Variants in ERI1 observed in about 807,000 individuals in gnomAD.
The protein encoded by ERI1 is 3'-5' exoribonuclease 1.
In ERI1, 39 loss-of-function variants were observed where a neutral mutation model predicts 39.7. That is an observed-to-expected ratio of 0.98 (90% CI 0.76 to 1.28). The LOEUF is 1.28. Ranked by LOEUF, ERI1 falls within the 50% of genes most tolerant of loss-of-function variation. The pLI, the probability that ERI1 is intolerant of heterozygous loss-of-function variation, is 0.00. For synonymous variants in ERI1, 204 were observed against 149.6 expected, an observed-to-expected ratio of 1.36 and a Z score of -2.65; for missense variants, 581 against 416.9, an observed-to-expected ratio of 1.39 and a Z score of -3.43.
In ERI1 at chr8:9,079,451, T is replaced by C. The variant is rs543184259; in HGVS notation, n.300-36897T>C. ...GGTTCCTGGTTTCTTGAAGCTATTT[T>C]AAATAATGCAAAAATGTTGGTTGTG... is the stretch of plus-strand genomic sequence containing the variant. On this transcript the variant is annotated intron_variant and non_coding_transcript_variant, in intron 3 of 3. Coordinates refer to the ERI1 transcript ENST00000518663. Among the ~76,000 whole-genome samples, 7 of 152,330 alleles carry C rather than the reference T, an allele frequency of 4.6e-5. No homozygotes were observed. In the South Asian group the frequency reaches 1.4e-3, roughly 32 times the overall value.
chr8:9,093,593 A>G (rs1310645754), intron 3 of ERI1, among the ~76,000 whole-genome samples: 1 of 152,006 alleles, frequency 6.6e-6, no homozygotes, highest in African/African-American at 2.4e-5. Flanking sequence ...TTTGAGACGG[A>G]ATCTCACTCT....
chr8:9,097,989 A>G (rs1381881325), intron 3 of ERI1, among the ~76,000 whole-genome samples: 1 of 152,236 alleles, frequency 6.6e-6, no homozygotes, highest in East Asian at 1.9e-4. Flanking sequence ...GTGGAATTGG[A>G]GACCATTATT....
chr8:9,042,938 G>T (rs891621607), intron 3 of ERI1, among the ~76,000 whole-genome samples: 1 of 152,178 alleles, frequency 6.6e-6, no homozygotes, highest in Non-Finnish European at 1.5e-5. Context: ...GCGCAGTGCC[G>T]TATGTCCCCC....
chr8:9,087,604 T>C (rs1005466317), intron 3 of ERI1, among the ~76,000 whole-genome samples: 2 of 152,186 alleles, frequency 1.3e-5, no homozygotes, highest in African/African-American at 4.8e-5. Flanking sequence ...AGTGATCATG[T>C]ATTCCTTGTG....
intron 3 of ERI1, among the ~76,000 whole-genome samples, chr8:9,071,451 G>A (rs1799048480): frequency 6.6e-6 from 1 of 152,194 alleles, no homozygotes. Context: ...AGTAATGCCA[G>A]CTCTATGTGA....
chr8:9,028,993 TTTTTAAC>T (rs1334038608), intron 6 of ERI1, among the ~76,000 whole-genome samples: 7 of 150,694 alleles, frequency 4.6e-5, no homozygotes, highest in Non-Finnish European at 4.4e-5. Context: ...TTTTTTTTTT[TTTTTAAC>T]TTATCAAGGA....
chr8:9,013,978 G>C (rs1816958622), intron 3 of ERI1, among the ~76,000 whole-genome samples: 1 of 152,136 alleles, frequency 6.6e-6, no homozygotes, highest in Non-Finnish European at 1.5e-5. Flanking sequence ...GTTTCTGTCT[G>C]TGTCCGCCTA....
At chr8:9,057,295 C>T (rs1798539867) in intron 3 of ERI1, among the ~76,000 whole-genome samples, 1 of 152,168 alleles carries the variant, frequency 6.6e-6, no homozygotes, top group Non-Finnish European at 1.5e-5. Flanking sequence ...CTGACGTGAG[C>T]CACTGTCCCT....
At chr8:9,036,524 G>T (rs945219339), downstream of ERI1, among the ~76,000 whole-genome samples, 2 of 152,168 alleles carry the variant, frequency 1.3e-5, no homozygotes. Context: ...ACACTTCATA[G>T]ACTATTGTTT....
chr8:9,016,980 G>A (rs1219456254), intron 4 of ERI1, among the ~76,000 whole-genome samples: 1 of 152,138 alleles, frequency 6.6e-6, no homozygotes, highest in Non-Finnish European at 1.5e-5. Context: ...ACCATGCCCA[G>A]CCAGAGATAA....
intron 1 of ERI1, among the ~76,000 whole-genome samples, chr8:9,005,164 A>G (rs1436283872): frequency 6.6e-6 from 1 of 152,206 alleles, no homozygotes; most frequent in Non-Finnish European, 1.5e-5. Context: ...ACGTCAATCA[A>G]GAAAAATTCT....
chr8:9,018,240 T>C, intron 4 of ERI1, 57 bp from the exon 5 acceptor site: 2 of 934,874 alleles, frequency 2.1e-6, no homozygotes, highest in Non-Finnish European at 3.4e-6. Context: ...GGGTATTTTG[T>C]AGGTCTACGT....
intron 3 of ERI1, among the ~76,000 whole-genome samples, chr8:9,098,905 C>A (rs777960756): frequency 1.3e-5 from 2 of 152,138 alleles, no homozygotes; most frequent in Non-Finnish European, 2.9e-5. Context: ...GCAAGCTCGG[C>A]TCACTGCAAC....
chr8:9,050,507 C>CAA (rs35279058), intron 3 of ERI1, among the ~76,000 whole-genome samples: 12 of 141,746 alleles, frequency 8.5e-5, no homozygotes, highest in African/African-American at 2.9e-4. Flanking sequence ...AACTCCATCT[C>CAA]AAAAAAAAAA....
downstream of ERI1, among the ~76,000 whole-genome samples, chr8:9,034,944 G>C (rs147133231): frequency 1.6e-4 from 25 of 152,318 alleles, no homozygotes; most frequent in East Asian, 4.6e-3. Flanking sequence ...TATGGAGAAA[G>C]TTTTAGTGGT....
intron 2 of ERI1, among the ~76,000 whole-genome samples, chr8:9,009,863 G>T (rs146654717): frequency 1.3e-5 from 2 of 152,192 alleles, no homozygotes; most frequent in African/African-American, 4.8e-5. Flanking sequence ...TTTGTCTGCA[G>T]TACACAGTAT....
chr8:9,051,596 G>T (rs945408061), intron 3 of ERI1, among the ~76,000 whole-genome samples: 3 of 151,810 alleles, frequency 2.0e-5, no homozygotes, highest in African/African-American at 7.3e-5. Flanking sequence ...GGCAGATGTT[G>T]CAGTGAGCCG....
intron 3 of ERI1, among the ~76,000 whole-genome samples, chr8:9,066,773 C>A (rs767389565): frequency 6.6e-6 from 1 of 151,740 alleles, no homozygotes; most frequent in Non-Finnish European, 1.5e-5. Context: ...ATGTGACAGG[C>A]GGGTGAGTTG....
At chr8:9,058,702 A>G (rs1423211202) in intron 3 of ERI1, among the ~76,000 whole-genome samples, 1 of 151,860 alleles carries the variant, frequency 6.6e-6, no homozygotes, top group Non-Finnish European at 1.5e-5. Flanking sequence ...ATCTTATACA[A>G]GATTTATGCA....
Sources: allele counts gnomAD v4.1 joint callset (sites outside exome capture counted in the v4.1 genomes callset), GRCh38; gene constraint gnomAD v4.1.1; transcripts MANE v1.5; gene names NCBI Gene and HGNC (gene_info 2026-07-23, HGNC 2026-07-21).